TMC3: variants seen among roughly 807,000 people sequenced by gnomAD.
TMC3 encodes transmembrane channel like 3.
Under a neutral mutation model 110.6 loss-of-function variants are expected in TMC3, and 98 were observed. The observed-to-expected ratio is 0.89, with a 90% CI of 0.75 to 1.05. TMC3 has a LOEUF of 1.05. Ranked by LOEUF, TMC3 falls within the 50% of genes least tolerant of loss-of-function variation. TMC3 has a pLI of 0.00. For missense variants in TMC3, 1,319 were observed against 1,373.2 expected, an observed-to-expected ratio of 0.96 and a Z score of 0.62; for synonymous variants, 489 against 513.1, an observed-to-expected ratio of 0.95 and a Z score of 0.63.
At chr15:81,342,961 C>A in intron 15 of TMC3, 1 of 264,262 alleles carries the variant, frequency 3.8e-6, no homozygotes, top group South Asian at 7.1e-5. Flanking sequence ...GAAGTCCTCA[C>A]GAGGGAGAAG....
At chr15:81,337,493 G>A (rs1893622671) in intron 19 of TMC3, 1 of 392,082 alleles carries the variant, frequency 2.6e-6, no homozygotes, top group Admixed American at 3.7e-5. Flanking sequence ...GACAAGGATT[G>A]GGAAGGGGCC....
At position 81,332,803 on chromosome 15, in the gene TMC3, A is replaced by T; in HGVS notation, c.2919T>A (p.Tyr973Ter). The T allele has an allele frequency of 6.2e-7, 1 of 1,611,636 alleles. No individual in the cohort carries two copies. The highest frequency in any genetic ancestry group is 1.3e-5 in the African/African-American group (1 of 74,998). Residue 973 changes from tyrosine (Y) to a stop codon, truncating the protein, a stop_gained, in exon 22 of 22, where the codon TAT becomes TAA. Coordinates refer to ENST00000359440, the MANE Select transcript of TMC3 (RefSeq NM_001080532.3). LOFTEE classifies it low-confidence loss of function (END_TRUNC). The stretch of plus-strand genomic sequence containing the variant: ...TCTGACTTTCGGACCTCTCCCCAAT[A>T]TAAAAATGAGGAGCCCGACGGAGGT... ...LIDLRRAPHF[Y>*]IGERSESQTR...
intron 16 of TMC3, among the ~76,000 whole-genome samples, chr15:81,340,378 CAT>C (rs1472659456): frequency 1.3e-5 from 2 of 152,126 alleles, no homozygotes. Flanking sequence ...AATAAATATA[CAT>C]ACACATATAT....
At chr15:81,361,721 T>C (rs1894191453) in intron 4 of TMC3, among the ~76,000 whole-genome samples, 1 of 152,210 alleles carries the variant, frequency 6.6e-6, no homozygotes, top group African/African-American at 2.4e-5. Flanking sequence ...TATCCTGTGG[T>C]ATAATTTTAC....
intron 2 of TMC3, among the ~76,000 whole-genome samples, chr15:81,369,215 A>T (rs1326064114): frequency 6.6e-6 from 1 of 152,118 alleles, no homozygotes; most frequent in Non-Finnish European, 1.5e-5. Flanking sequence ...CCCCAATAAC[A>T]CCCACTGGTC....
chr15:81,374,013 AG>A lies in TMC3; in HGVS notation c.64del (p.Leu22SerfsTer54). 1 of 1,613,790 alleles carries A rather than the reference AG, an allele frequency of 6.2e-7. No individual in the cohort carries two copies. Among genetic ancestry groups the A allele is most frequent in the Non-Finnish European group, 8.5e-7 (1 of 1,179,852 alleles). On this transcript the variant is annotated frameshift_variant, in exon 1 of 22. Coordinates refer to ENST00000359440, the MANE Select transcript of TMC3 (RefSeq NM_001080532.3). LOFTEE classifies it high-confidence loss of function. ...GIRRNASQCYLYQESLLLSNL... is the reference protein window; with the variant it reads ...GIRRNASQCYXYQESLLLSNL... Reference sequence around the variant, plus strand: ...CCTGAGCAGCAGAGATTCCTGGTAGAGGTAGCACTGGCTGGCATTTCTCCGG... The same window carrying A: ...CCTGAGCAGCAGAGATTCCTGGTAGAGTAGCACTGGCTGGCATTTCTCCGG...
intron 3 of TMC3, 148 bp from the exon 4 acceptor site, chr15:81,362,449 A>G: frequency 1.6e-6 from 1 of 619,142 alleles, no homozygotes; most frequent in Non-Finnish European, 2.9e-6. Flanking sequence ...AAGCTGCACT[A>G]GAACCAAAGT....
At chr15:81,369,678 C>G (rs562363749) in intron 2 of TMC3, among the ~76,000 whole-genome samples, 5 of 152,194 alleles carry the variant, frequency 3.3e-5, no homozygotes, top group African/African-American at 1.2e-4. Context: ...AATCTCAGCA[C>G]TTTGGGAGGC....
chr15:81,338,738 C>T lies in TMC3; in HGVS notation c.1998G>A (p.Glu666=). 6.2e-7 allele frequency: 1 copy of T among 1,613,972 alleles called. No homozygotes were observed. The highest frequency in any genetic ancestry group is 8.5e-7 in the Non-Finnish European group (1 of 1,179,868). The change falls in exon 18 of 22, where the codon GAG becomes GAA. Residue 666 remains glutamate (E), a synonymous_variant. Coordinates refer to ENST00000359440, the MANE Select transcript of TMC3 (RefSeq NM_001080532.3). ...AGCCAAACCACACAGGAAAGTCTTT[C>T]TCAATCGTTTCTGACACAATGTCAT... ...KIYDIVSETI[E]KDFPVWFGSV...
At chr15:81,348,659 G>A (rs1172843335) in intron 11 of TMC3, among the ~76,000 whole-genome samples, 1 of 152,140 alleles carries the variant, frequency 6.6e-6, no homozygotes, top group East Asian at 1.9e-4. Flanking sequence ...TCTGTACTTT[G>A]GGGGAACTGT....
At chr15:81,339,323 A>G in intron 17 of TMC3, 71 bp downstream of exon 17, 1 of 1,152,266 alleles carries the variant, frequency 8.7e-7, no homozygotes, top group Non-Finnish European at 1.3e-6. Flanking sequence ...TTGGAGGAGA[A>G]TTCAGTTCAA....
intron 14 of TMC3, 37 bp downstream of exon 14, chr15:81,343,880 A>C: frequency 6.2e-7 from 1 of 1,603,018 alleles, no homozygotes; most frequent in South Asian, 1.1e-5. Context: ...GGATTTGGCC[A>C]TATAAACTTT....
chr15:81,372,875 G>A (rs993691892), intron 1 of TMC3, 138 bp from the exon 2 acceptor site: 15 of 662,990 alleles, frequency 2.3e-5, no homozygotes, highest in African/African-American at 2.1e-4. Flanking sequence ...TTGTGCGTGT[G>A]TGTGTGTGTG....
chr15:81,355,816 T>C (rs373784274), intron 8 of TMC3, 48 bp from the exon 9 acceptor site: 10 of 1,215,222 alleles, frequency 8.2e-6, no homozygotes, highest in Admixed American at 4.0e-5. Flanking sequence ...TCATCATTAA[T>C]TATAAATCAT....
intron 17 of TMC3, 35 bp downstream of exon 17, chr15:81,339,359 C>T: frequency 6.9e-7 from 1 of 1,448,648 alleles, no homozygotes; most frequent in Non-Finnish European, 9.6e-7. Flanking sequence ...TTACAGCTGT[C>T]AGTCACTCCG....
chr15:81,332,863 C>A lies in TMC3; in HGVS notation c.2859G>T (p.Trp953Cys), dbSNP rs1376959984. 2.5e-6 allele frequency: 4 copies of A among 1,613,392 alleles called. No individual in the cohort carries two copies. The highest frequency in any genetic ancestry group is 2.2e-5 in the South Asian group (2 of 91,078). The part of the protein sequence containing the change: ...EEEEETPSRD[W>C]IKRSLPPRSL... ...AGCGTGGGGGAAGAGACCGTTTGAT[C>A]CAATCTCTGCTTGGCGTCTCCTCCT... The change falls in exon 22 of 22, where the codon TGG becomes TGT. Residue 953 changes from tryptophan to cysteine, a missense_variant. Transcript: ENST00000359440.
At chr15:81,343,138 T>G in intron 15 of TMC3, 140 bp downstream of exon 15, 1 of 549,066 alleles carries the variant, frequency 1.8e-6, no homozygotes, top group Non-Finnish European at 3.3e-6. Flanking sequence ...GTAATATACA[T>G]GTGAAATAAT....
chr15:81,358,446 G>T lies in TMC3; in HGVS notation c.556C>A (p.Gln186Lys). 1 of 1,613,848 alleles carries T rather than the reference G, an allele frequency of 6.2e-7. No individual in the cohort carries two copies. The highest frequency in any genetic ancestry group is 8.5e-7 in the Non-Finnish European group (1 of 1,179,800). The change falls in exon 6 of 22, where the codon CAG (glutamine) becomes AAG (lysine). Residue 186 changes from glutamine (Q) to lysine (K), a missense_variant. Gln to Lys is a moderately conservative substitution (Grantham distance 53, BLOSUM62 1). Transcript: ENST00000359440. ...TCCAGGTCTTGGGCAGACGAAACCTGCTCCTTGGGGATGGTCTTCCTGGCT... is the reference window on the plus strand; with the variant it reads ...TCCAGGTCTTGGGCAGACGAAACCTTCTCCTTGGGGATGGTCTTCCTGGCT... ...STARKTIPKEQVSSAQDLDTV... is the reference protein window; with the variant it reads ...STARKTIPKEKVSSAQDLDTV...
At chr15:81,344,671 T>C in intron 13 of TMC3, 95 bp downstream of exon 13, 1 of 1,293,092 alleles carries the variant, frequency 7.7e-7, no homozygotes. Context: ...ACTTTTCTTT[T>C]TTCTATAACA....
Sources: allele counts gnomAD v4.1 joint callset (sites outside exome capture counted in the v4.1 genomes callset), GRCh38; gene constraint gnomAD v4.1.1; transcripts MANE v1.5; gene names NCBI Gene and HGNC (gene_info 2026-07-23, HGNC 2026-07-21).